The following THSD7B variants were observed in gnomAD, a reference collection of about 807,000 sequenced individuals.
The protein encoded by THSD7B is thrombospondin type 1 domain containing 7B, also known as thrombospondin type-1 domain-containing protein 7B.
A neutral mutation model predicts 213.6 loss-of-function variants in THSD7B; 138 were observed. The observed-to-expected ratio is 0.65, with a 90% CI of 0.56 to 0.74. The LOEUF (loss-of-function observed/expected upper bound fraction) is 0.74, where lower values mean the gene tolerates loss of function less well. Among genes scored for constraint, THSD7B ranks in the 30% least tolerant of loss-of-function variants. THSD7B has a pLI of 0.00. For missense variants in THSD7B, 1,931 were observed against 1,991.5 expected (o/e 0.97, Z 0.58); for synonymous variants, 742 against 687.0 (o/e 1.08, Z -1.25).
chr2:137,166,799 T>G (rs981472759), intron 6 of THSD7B, among the ~76,000 whole-genome samples: 1 of 152,230 alleles, frequency 6.6e-6, no homozygotes, highest in Non-Finnish European at 1.5e-5. Flanking sequence ...AAAATCATTT[T>G]GCTTTCTCAT....
chr2:137,431,547 G>T (rs1328358733), intron 14 of THSD7B, among the ~76,000 whole-genome samples: 1 of 152,194 alleles, frequency 6.6e-6, no homozygotes, highest in Non-Finnish European at 1.5e-5. Context: ...ATATGGCAGA[G>T]AAACATGTTT....
At chr2:137,166,568 G>A (rs574885180) in intron 6 of THSD7B, among the ~76,000 whole-genome samples, 42 of 152,232 alleles carry the variant, frequency 2.8e-4, no homozygotes, top group African/African-American at 9.9e-4. Context: ...CTCAGTGAGA[G>A]CACCCAAGTC....
intron 3 of THSD7B, among the ~76,000 whole-genome samples, chr2:137,084,830 GTTTA>G (rs1306026562): frequency 6.6e-6 from 1 of 152,118 alleles, no homozygotes; most frequent in Non-Finnish European, 1.5e-5. Flanking sequence ...AGATTTCCAG[GTTTA>G]TTTGTTACCA....
At chr2:136,939,712 G>A (rs1354014109) in intron 2 of THSD7B, among the ~76,000 whole-genome samples, 1 of 152,108 alleles carries the variant, frequency 6.6e-6, no homozygotes, top group Non-Finnish European at 1.5e-5. Flanking sequence ...TGTTATATAT[G>A]CATCTTACCT....
At chr2:137,189,969 AG>A (rs1680625216) in intron 7 of THSD7B, among the ~76,000 whole-genome samples, 2 of 152,260 alleles carry the variant, frequency 1.3e-5, no homozygotes, top group South Asian at 4.1e-4. Context: ...CAATCATAGA[AG>A]GTATTTTAAG....
In THSD7B at chr2:137,311,902, G is replaced by T. The variant is rs532182433; in HGVS notation, c.2500+35876G>T. Reference sequence around the variant, plus strand: ...GCTTTTTGATGTGCTGCTGGATTTGGTTTGCCAGTATTTTATTGAGGATTT... The same window carrying T: ...GCTTTTTGATGTGCTGCTGGATTTGTTTTGCCAGTATTTTATTGAGGATTT... On this transcript the variant is annotated intron_variant, in intron 12 of 27. Coordinates refer to ENST00000409968, the MANE Select transcript of THSD7B (RefSeq NM_001316349.2). 7.2e-5 allele frequency among the ~76,000 whole-genome samples: 10 copies of T among 139,814 alleles called. 1 individual carries two copies. Among genetic ancestry groups the T allele is most frequent in the East Asian group, 2.0e-4 (1 of 4,906 alleles). The allele number at this position is 139,814 out of a possible 152,430, so 91.7% of individuals were successfully genotyped here.
intron 2 of THSD7B, among the ~76,000 whole-genome samples, chr2:137,055,106 T>G (rs1466291705): frequency 6.6e-6 from 1 of 152,232 alleles, no homozygotes; most frequent in Non-Finnish European, 1.5e-5. Context: ...GTGAAGGACA[T>G]GAACTCATTC....
chr2:137,663,587 T>C lies in THSD7B; in HGVS notation c.4651+12T>C. The C allele has an allele frequency of 1.3e-6, 2 of 1,589,356 alleles. No individual in the cohort carries two copies. Among genetic ancestry groups the C allele is most frequent in the East Asian group, 2.3e-5 (1 of 44,440 alleles). On this transcript the variant is annotated intron_variant, in intron 26 of 27. Coordinates refer to ENST00000409968, the MANE Select transcript of THSD7B (RefSeq NM_001316349.2). ...ACCACTTGATCCAGGTGAGTTTCAG[T>C]TGTGAGTAAGAAATGAAAATTTTCT...
At chr2:137,353,255 C>T (rs1282554273) in intron 12 of THSD7B, among the ~76,000 whole-genome samples, 1 of 152,018 alleles carries the variant, frequency 6.6e-6, no homozygotes, top group Non-Finnish European at 1.5e-5. Flanking sequence ...GAATTGCCAA[C>T]TTAGGGAGAA....
chr2:137,609,023 G>A (rs1292923289), intron 17 of THSD7B, among the ~76,000 whole-genome samples: 2 of 152,280 alleles, frequency 1.3e-5, no homozygotes, highest in Non-Finnish European at 2.9e-5. Context: ...CAGGAATTCA[G>A]GATACACATT....
intron 15 of THSD7B, among the ~76,000 whole-genome samples, chr2:137,542,821 C>T (rs1252684171): frequency 6.6e-6 from 1 of 151,724 alleles, no homozygotes; most frequent in African/African-American, 2.4e-5. Context: ...TAAGGATAAA[C>T]CTGTAACTCA....
At chr2:137,245,535 G>A (rs1682009510) in intron 10 of THSD7B, among the ~76,000 whole-genome samples, 1 of 152,076 alleles carries the variant, frequency 6.6e-6, no homozygotes, top group Admixed American at 6.6e-5. Context: ...CCAGACTACT[G>A]TAGACTCCCC....
At chr2:137,040,685 G>A (rs1356605550) in intron 2 of THSD7B, among the ~76,000 whole-genome samples, 6 of 152,004 alleles carry the variant, frequency 3.9e-5, no homozygotes, top group African/African-American at 9.7e-5. Flanking sequence ...GAGCCACCGC[G>A]CTCAGCAGAG....
intron 1 of THSD7B, among the ~76,000 whole-genome samples, chr2:136,866,010 A>G (rs1252470268): frequency 6.6e-6 from 1 of 152,218 alleles, no homozygotes; most frequent in Non-Finnish European, 1.5e-5. Flanking sequence ...TGTCTCATAA[A>G]TATACAATTC....
At chr2:136,899,105 G>A (rs1684017839) in intron 2 of THSD7B, among the ~76,000 whole-genome samples, 1 of 152,078 alleles carries the variant, frequency 6.6e-6, no homozygotes, top group Non-Finnish European at 1.5e-5. Context: ...TAAATGAATA[G>A]ACTATTAAGT....
intron 1 of THSD7B, among the ~76,000 whole-genome samples, chr2:136,793,846 C>T (rs1488503847): frequency 6.6e-6 from 1 of 151,408 alleles, no homozygotes; most frequent in Non-Finnish European, 1.5e-5. Context: ...TATGTTTAAG[C>T]TTGGTGTTGT....
At chr2:137,141,636 T>C (rs1281828714) in intron 5 of THSD7B, among the ~76,000 whole-genome samples, 3 of 151,980 alleles carry the variant, frequency 2.0e-5, no homozygotes, top group Admixed American at 6.6e-5. Flanking sequence ...TGGGGGAAAC[T>C]TAGTGAAAGG....
chr2:137,461,472 A>G (rs79085616), intron 15 of THSD7B, among the ~76,000 whole-genome samples: 2,494 of 152,184 alleles, frequency 0.016, 72 homozygotes, highest in African/African-American at 0.055. Flanking sequence ...CCTGAGTCAT[A>G]TATCTTGTCC....
chr2:137,069,107 C>T (rs539605194), intron 3 of THSD7B, among the ~76,000 whole-genome samples: 25 of 152,088 alleles, frequency 1.6e-4, no homozygotes, highest in African/African-American at 5.5e-4. Context: ...AGATCTTTTG[C>T]TTTTACTTGT....
Sources: allele counts gnomAD v4.1 joint callset (sites outside exome capture counted in the v4.1 genomes callset), GRCh38; gene constraint gnomAD v4.1.1; transcripts MANE v1.5; gene names NCBI Gene and HGNC (gene_info 2026-07-23, HGNC 2026-07-21).